Variants in LRRC7 observed in about 807,000 individuals in gnomAD.
LRRC7 encodes leucine rich repeat containing 7, also known as leucine-rich repeat-containing protein 7.
Under a neutral mutation model 175.7 loss-of-function variants are expected in LRRC7, and 23 were observed. That is an observed-to-expected ratio of 0.13 (90% CI 0.09 to 0.19). The LOEUF (loss-of-function observed/expected upper bound fraction) is 0.19. Among genes scored for constraint, LRRC7 ranks in the 10% least tolerant of loss-of-function variants. The pLI, the probability that LRRC7 is intolerant of heterozygous loss-of-function variation, is 1.00. For missense variants in LRRC7, 1,354 were observed against 1,904.7 expected, an observed-to-expected ratio of 0.71 and a Z score of 5.38; for synonymous variants, 685 against 680.9, an observed-to-expected ratio of 1.01 and a Z score of -0.09.
intron 1 of LRRC7, among the ~76,000 whole-genome samples, chr1:69,636,424 G>GACAC (rs55772671): frequency 0.13 from 18,838 of 150,652 alleles, 1,435 homozygotes; most frequent in Non-Finnish European, 0.17. Flanking sequence ...TCCAGGCACA[G>GACAC]ACACACACAC....
chr1:70,040,918 G>T (rs1045224968), intron 21 of LRRC7, among the ~76,000 whole-genome samples: 3 of 152,136 alleles, frequency 2.0e-5, no homozygotes, highest in African/African-American at 7.2e-5. Flanking sequence ...TTTGTTGCCT[G>T]TTTGAATCTC....
At chr1:69,680,202 G>A (rs1416506020) in intron 2 of LRRC7, among the ~76,000 whole-genome samples, 2 of 152,244 alleles carry the variant, frequency 1.3e-5, no homozygotes, top group African/African-American at 4.8e-5. Context: ...AACTCTTAGA[G>A]CAGGGCCTGG....
intron 23 of LRRC7, among the ~76,000 whole-genome samples, chr1:70,075,873 A>G (rs1183256039): frequency 6.6e-6 from 1 of 152,222 alleles, no homozygotes; most frequent in Admixed American, 6.5e-5. Context: ...CTATGAATGT[A>G]TTTAATGTGA....
intron 8 of LRRC7, among the ~76,000 whole-genome samples, chr1:69,975,602 C>T (rs1407727791): frequency 6.6e-6 from 1 of 152,116 alleles, no homozygotes; most frequent in African/African-American, 2.4e-5. Flanking sequence ...AGTGATGCCT[C>T]TCAAACTACT....
intron 7 of LRRC7, among the ~76,000 whole-genome samples, chr1:69,859,711 GC>G (rs1283550234): frequency 2.6e-5 from 4 of 151,902 alleles, no homozygotes; most frequent in Non-Finnish European, 5.9e-5. Context: ...TAAAGGTAAT[GC>G]TTTTGTTAAG....
intron 1 of LRRC7, among the ~76,000 whole-genome samples, chr1:69,658,747 G>A (rs1657011719): frequency 6.6e-6 from 1 of 151,970 alleles, no homozygotes; most frequent in Non-Finnish European, 1.5e-5. Context: ...AGAATCAGAA[G>A]AATCACATCG....
At chr1:69,781,775 AAG>A (rs1673656700) in intron 3 of LRRC7, among the ~76,000 whole-genome samples, 1 of 60,938 alleles carries the variant, frequency 1.6e-5, no homozygotes, top group Admixed American at 1.7e-4. Context: ...GAAAGAAAGA[AAG>A]AAAGAAAGAA....
intron 8 of LRRC7, among the ~76,000 whole-genome samples, chr1:69,974,753 C>T (rs920361715): frequency 4.6e-5 from 7 of 152,154 alleles, no homozygotes; most frequent in Non-Finnish European, 1.0e-4. Flanking sequence ...GTTTTTGAAG[C>T]TTCCTCTGTA....
rs963338036 is a variant in LRRC7 at position 70,129,312 on chromosome 1, A to G, written c.*7425A>G. ...TGAATATTTGCCAGGATTTAGGGCAACATTTGATAGGCTAAACGTGGCAAG... is the reference window on the plus strand; with the variant it reads ...TGAATATTTGCCAGGATTTAGGGCAGCATTTGATAGGCTAAACGTGGCAAG... On this transcript the variant is annotated 3_prime_UTR_variant, in exon 27 of 27. Transcript: ENST00000651989. Among the ~76,000 whole-genome samples, 1 of 152,126 alleles carries G rather than the reference A, an allele frequency of 6.6e-6. No homozygotes were observed. Among genetic ancestry groups the G allele is most frequent in the Non-Finnish European group, 1.5e-5 (1 of 68,038 alleles).
At chr1:70,112,409 A>G (rs895136071) in intron 26 of LRRC7, among the ~76,000 whole-genome samples, 7 of 152,290 alleles carry the variant, frequency 4.6e-5, no homozygotes, top group African/African-American at 1.7e-4. Flanking sequence ...TATCATTAGA[A>G]GCCCCTTAAT....
intron 2 of LRRC7, among the ~76,000 whole-genome samples, chr1:69,732,630 A>G (rs1184936879): frequency 1.3e-5 from 2 of 152,096 alleles, no homozygotes; most frequent in South Asian, 2.1e-4. Context: ...ATAAAGTCCC[A>G]TACTGAAGAA....
At chr1:69,936,380 A>G (rs1648026051) in intron 8 of LRRC7, among the ~76,000 whole-genome samples, 1 of 152,188 alleles carries the variant, frequency 6.6e-6, no homozygotes, top group Admixed American at 6.6e-5. Context: ...CTTTTTAGGC[A>G]TCAACATGAC....
At chr1:70,012,950 C>A in intron 12 of LRRC7, 24 bp from the exon 13 acceptor site, 2 of 1,265,164 alleles carry the variant, frequency 1.6e-6, no homozygotes. Context: ...GATTTTTTTA[C>A]CTATTTTCTT....
intron 11 of LRRC7, among the ~76,000 whole-genome samples, 176 bp downstream of exon 11, chr1:69,994,809 C>T (rs1422171716): frequency 6.6e-6 from 1 of 152,050 alleles, no homozygotes; most frequent in Non-Finnish European, 1.5e-5. Flanking sequence ...AATTTTATAT[C>T]TAAACATTGC....
Position 69,996,252 on chromosome 1 carries a change from T to C in LRRC7, c.1004+1619T>C, listed in dbSNP as rs560701534. 5.2e-4 allele frequency among the ~76,000 whole-genome samples: 79 copies of C among 152,260 alleles called. 2 individuals are homozygous for C. The highest frequency in any genetic ancestry group is 1.9e-3 in the African/African-American group (77 of 41,510). On this transcript the variant is annotated intron_variant, in intron 11 of 26. Coordinates refer to ENST00000651989, the MANE Select transcript of LRRC7 (RefSeq NM_001370785.2). ...TTCGCCCACTTTTTGATGGGGTTGT[T>C]TGTTTTTTTCTAGTAAATTCGTTGG... is the stretch of plus-strand genomic sequence containing the variant.
intron 3 of LRRC7, among the ~76,000 whole-genome samples, chr1:69,768,833 C>T (rs556997445): frequency 6.6e-6 from 1 of 152,262 alleles, no homozygotes; most frequent in East Asian, 1.9e-4. Context: ...TTTTTCCTTC[C>T]TCCCAAACTC....
chr1:70,066,931 G>A (rs1044978755), intron 23 of LRRC7, among the ~76,000 whole-genome samples: 1 of 152,030 alleles, frequency 6.6e-6, no homozygotes, highest in African/African-American at 2.4e-5. Context: ...CATTCTGTTA[G>A]GTGTGTAGTG....
intron 1 of LRRC7, among the ~76,000 whole-genome samples, chr1:69,643,032 G>T (rs1654471745): frequency 6.6e-6 from 1 of 152,078 alleles, no homozygotes; most frequent in African/African-American, 2.4e-5. Flanking sequence ...AAGGCTGAAG[G>T]CATGGGAATA....
chr1:69,853,775 A>G (rs947218312), intron 7 of LRRC7, among the ~76,000 whole-genome samples: 3 of 152,156 alleles, frequency 2.0e-5, no homozygotes, highest in Non-Finnish European at 4.4e-5. Context: ...TTTTCCTTTT[A>G]TAATAACAAT....
Sources: allele counts gnomAD v4.1 joint callset (sites outside exome capture counted in the v4.1 genomes callset), GRCh38; gene constraint gnomAD v4.1.1; transcripts MANE v1.5; gene names NCBI Gene and HGNC (gene_info 2026-07-23, HGNC 2026-07-21).